The following ABCC10 variants were observed in gnomAD, a reference collection of about 807,000 sequenced individuals.
ABCC10 encodes the protein ATP-binding cassette sub-family C member 10.
A neutral mutation model predicts 143.2 loss-of-function variants in ABCC10; 110 were observed. The observed-to-expected ratio is 0.77, with a 90% confidence interval of 0.66 to 0.90. The LOEUF is 0.90. Among genes scored for constraint, ABCC10 ranks in the 40% least tolerant of loss-of-function variants. The probability of loss-of-function intolerance (pLI) is 0.00; values close to 1 mark genes in which losing one functional copy is unlikely to be tolerated. For missense variants in ABCC10, 1,700 were observed against 1,900.5 expected, an observed-to-expected ratio of 0.89 and a Z score of 1.96; for synonymous variants, 805 against 846.7, an observed-to-expected ratio of 0.95 and a Z score of 0.85.
At chr6:43,439,276 A>G (rs1782076841) in intron 8 of ABCC10, among the ~76,000 whole-genome samples, 1 of 152,198 alleles carries the variant, frequency 6.6e-6, no homozygotes, top group African/African-American at 2.4e-5. Context: ...TGTCCCCTTC[A>G]GAAATGTCAC....
chr6:43,449,683 C>T, intron 21 of ABCC10, 149 bp downstream of exon 21: 2 of 782,904 alleles, frequency 2.6e-6, no homozygotes, highest in South Asian at 3.6e-5. Context: ...CGAGAAGGGT[C>T]CTTTATAGCA....
intron 8 of ABCC10, among the ~76,000 whole-genome samples, chr6:43,440,756 G>C (rs1782316013): frequency 6.6e-6 from 1 of 151,824 alleles, no homozygotes; most frequent in Non-Finnish European, 1.5e-5. Flanking sequence ...CAGCTACTCG[G>C]GAGGCTGAGG....
In ABCC10 at chr6:43,448,363, C is replaced by T. The variant is rs531481637; in HGVS notation, c.3959+426C>T. ...CCAGGTCAACCTAGTATCATTTTCT[C>T]TGAGTACGGTGACATGGAAAAGGTA... On this transcript the variant is annotated intron_variant, in intron 18 of 21. Transcript: ENST00000372530. Among the ~76,000 whole-genome samples the T allele has an allele frequency of 9.9e-5, 15 of 152,282 alleles. No homozygotes were observed. In the East Asian group the frequency reaches 2.7e-3, roughly 27 times the overall value.
chr6:43,435,742 C>T lies in ABCC10; in HGVS notation c.1609-9C>T. The T allele has an allele frequency of 6.2e-7, 1 of 1,613,872 alleles. No homozygotes were observed. Among genetic ancestry groups the T allele is most frequent in the Non-Finnish European group, 8.5e-7 (1 of 1,179,792 alleles). On this transcript the variant is annotated splice_polypyrimidine_tract_variant and intron_variant, in intron 4 of 21. Coordinates refer to ENST00000372530, the MANE Select transcript of ABCC10 (RefSeq NM_001198934.2). ...TCCTGGGGCTTCACCCTGCACCCACCTCACTCAGGTGTTCACGGCCCTGGC... is the reference window on the plus strand; with the variant it reads ...TCCTGGGGCTTCACCCTGCACCCACTTCACTCAGGTGTTCACGGCCCTGGC...
chr6:43,431,471 C>T (rs1313740250), intron 2 of ABCC10, among the ~76,000 whole-genome samples: 1 of 152,186 alleles, frequency 6.6e-6, no homozygotes, highest in African/African-American at 2.4e-5. Flanking sequence ...AGCGATTCTC[C>T]TGCCTCAGCC....
intron 2 of ABCC10, among the ~76,000 whole-genome samples, chr6:43,429,626 C>T (rs949759283): frequency 1.3e-5 from 2 of 152,038 alleles, no homozygotes; most frequent in South Asian, 2.1e-4. Flanking sequence ...TTTAATAGGC[C>T]GGGTGCAGTG....
chr6:43,446,559 G>T, intron 16 of ABCC10, 113 bp downstream of exon 16: 1 of 1,449,366 alleles, frequency 6.9e-7, no homozygotes, highest in Non-Finnish European at 9.1e-7. Context: ...AGGGTTCCCT[G>T]TGAGGATGTA....
At chr6:43,437,173 G>A (rs752827035) in intron 6 of ABCC10, among the ~76,000 whole-genome samples, 1 of 152,134 alleles carries the variant, frequency 6.6e-6, no homozygotes, top group Non-Finnish European at 1.5e-5. Flanking sequence ...CCACTGAGCA[G>A]AAGATGTGAC....
At chr6:43,448,341 G>A (rs781710236) in intron 18 of ABCC10, among the ~76,000 whole-genome samples, 6 of 152,268 alleles carry the variant, frequency 3.9e-5, no homozygotes, top group Middle Eastern at 3.4e-3. Context: ...CTTACCTCCA[G>A]GTCAACCTAG....
chr6:43,446,168 C>T (rs968581837), intron 15 of ABCC10, 109 bp from the exon 16 acceptor site: 1 of 1,383,256 alleles, frequency 7.2e-7, no homozygotes. Context: ...GTATACAGAC[C>T]AGCTCCCAAG....
Position 43,444,828 on chromosome 6 carries a change from C to G in ABCC10, c.2730C>G (p.Ile910Met). 6.2e-7 allele frequency: 1 copy of G among 1,612,462 alleles called. No homozygotes were observed. The highest frequency in any genetic ancestry group is 8.5e-7 in the Non-Finnish European group (1 of 1,179,234). Residue 910 changes from isoleucine to methionine, a missense_variant, in exon 13 of 22, where the codon ATC (isoleucine) becomes ATG (methionine). Physicochemically the swap from Ile to Met is conservative, Grantham distance 10. Transcript: ENST00000372530. ...NAADWWLSHW[I>M]SQLKAENSSQ... The stretch of plus-strand genomic sequence containing the variant: ...CTGACTGGTGGCTCTCCCACTGGAT[C>G]TCTCAGCTGAAGGCTGAGAATAGCT...
chr6:43,444,217 G>T lies in ABCC10; in HGVS notation c.2553G>T (p.Gln851His). 1 of 1,614,138 alleles carries T rather than the reference G, an allele frequency of 6.2e-7. No individual in the cohort carries two copies. Among genetic ancestry groups the T allele is most frequent in the Non-Finnish European group, 8.5e-7 (1 of 1,180,010 alleles). Residue 851 changes from glutamine (Q) to histidine (H), a missense_variant, in exon 12 of 22, where the codon CAG (glutamine) becomes CAT (histidine). By Grantham distance (24) the Gln-to-His change is conservative. Coordinates refer to ENST00000372530, the MANE Select transcript of ABCC10 (RefSeq NM_001198934.2). ...CAAAGGAGGGGCTGGAGGAGGAGCAGAGCACATCTGGTCGCCTGCTGCAGG... is the reference window on the plus strand; with the variant it reads ...CAAAGGAGGGGCTGGAGGAGGAGCATAGCACATCTGGTCGCCTGCTGCAGG... ...EKTKEGLEEE[Q>H]STSGRLLQEE...
intron 2 of ABCC10, among the ~76,000 whole-genome samples, chr6:43,430,163 C>T (rs993359331): frequency 6.6e-6 from 1 of 151,466 alleles, no homozygotes; most frequent in Non-Finnish European, 1.5e-5. Flanking sequence ...CGATCTCGGC[C>T]CACTGCAACC....
rs369336854 is a variant in ABCC10, at chr6:43,444,001, T to C, written c.2485T>C (p.Ser829Pro). 67 of 1,613,840 alleles carry C rather than the reference T, an allele frequency of 4.2e-5. 1 individual carries two copies. In the African/African-American group the frequency reaches 5.2e-4, roughly 13 times the overall value. Reference sequence around the variant, plus strand: ...AGCCTGGGCTGAGAATGGACAAGAGTCTGACTCAGGTATGGCTCCCCAGTG... The same window carrying C: ...AGCCTGGGCTGAGAATGGACAAGAGCCTGACTCAGGTATGGCTCCCCAGTG... ...PKAWAENGQE[S>P]DSATAQSVQN... Residue 829 changes from serine (S) to proline (P), a missense_variant, in exon 11 of 22, where the codon TCT becomes CCT. Ser to Pro is a moderately conservative substitution (Grantham distance 74). Coordinates refer to ENST00000372530, the MANE Select transcript of ABCC10 (RefSeq NM_001198934.2).
rs1780647047 is a variant in ABCC10 at position 43,427,588 on chromosome 6, G to A, written c.-181G>A. ...CGCCGGCTAGGTCTTCCAACCTCTA[G>A]GTGGGGTGCCAGCCGGGGCGGGCCC... is the stretch of plus-strand genomic sequence containing the variant. On this transcript the variant is annotated 5_prime_UTR_variant, in exon 1 of 22. Transcript: ENST00000372530. 1 of 323,090 alleles carries A rather than the reference G, an allele frequency of 3.1e-6. No homozygotes were observed. The highest frequency in any genetic ancestry group is 5.9e-6 in the Non-Finnish European group (1 of 168,758). 20.0% of individuals were successfully genotyped at this position (323,090 alleles called of 1,614,324 possible).
Position 43,432,295 on chromosome 6 carries a change from G to T in ABCC10, c.315G>T (p.Gly105=). The T allele has an allele frequency of 1.2e-6, 2 of 1,614,218 alleles. No homozygotes were observed. The highest frequency in any genetic ancestry group is 1.7e-6 in the Non-Finnish European group (2 of 1,180,044). The change falls in exon 3 of 22, where the codon GGG becomes GGT. Residue 105 remains glycine, a synonymous_variant. Coordinates refer to ENST00000372530, the MANE Select transcript of ABCC10 (RefSeq NM_001198934.2). ...CCATAGGGCTAGAGGTGTTGGCAGGGTGCGTGGCAGCTGTGGCCTGGATCA... is the reference window on the plus strand; with the variant it reads ...CCATAGGGCTAGAGGTGTTGGCAGGTTGCGTGGCAGCTGTGGCCTGGATCA... The part of the protein sequence containing the change: ...PGPIGLEVLA[G]CVAAVAWISH...
intron 5 of ABCC10, 115 bp downstream of exon 5, chr6:43,436,022 G>T: frequency 6.3e-7 from 1 of 1,599,020 alleles, no homozygotes; most frequent in Non-Finnish European, 8.6e-7. Flanking sequence ...ATCCAAAACA[G>T]ACTCATTTAG....
chr6:43,428,280 T>A, intron 2 of ABCC10, 141 bp downstream of exon 2: 4 of 1,012,588 alleles, frequency 4.0e-6, no homozygotes, highest in Non-Finnish European at 5.6e-6. Flanking sequence ...CATTGCTACT[T>A]AGCAGCAATG....
At position 43,447,380 on chromosome 6, in the gene ABCC10, C is replaced by T. The variant is rs773990445; in HGVS notation, c.3677C>T (p.Pro1226Leu). The part of the protein sequence containing the change: ...ERLEEYTCDL[P>L]QEPQGQPLQL... ...CTGGAAGAGTACACCTGTGACCTGCCCCAGGAACCCCAGGGCCAGCCACTG... is the reference window on the plus strand; with the variant it reads ...CTGGAAGAGTACACCTGTGACCTGCTCCAGGAACCCCAGGGCCAGCCACTG... Residue 1226 changes from proline (P) to leucine (L), a missense_variant, in exon 17 of 22, where the codon CCC (proline) becomes CTC (leucine). Coordinates refer to ENST00000372530, the MANE Select transcript of ABCC10 (RefSeq NM_001198934.2). 2.5e-6 allele frequency: 4 copies of T among 1,613,070 alleles called. No individual in the cohort carries two copies. The highest frequency in any genetic ancestry group is 2.5e-6 in the Non-Finnish European group (3 of 1,179,932).
Sources: allele counts gnomAD v4.1 joint callset (sites outside exome capture counted in the v4.1 genomes callset), GRCh38; gene constraint gnomAD v4.1.1; transcripts MANE v1.5; gene names NCBI Gene and HGNC (gene_info 2026-07-23, HGNC 2026-07-21).